Variants in LAD1 observed in about 807,000 individuals in gnomAD.
LAD1 encodes ladinin 1.
In LAD1, 53 loss-of-function variants were observed where a neutral mutation model predicts 54.2. The observed-to-expected ratio is 0.98, with a 90% CI of 0.78 to 1.23. LAD1 has a LOEUF of 1.23. LAD1 is among the 50% of genes most tolerant of loss of function. The probability of loss-of-function intolerance (pLI) is 0.00; values close to 1 mark genes in which losing one functional copy is unlikely to be tolerated. For synonymous variants in LAD1, 231 were observed against 257.7 expected (o/e 0.90, Z 0.99); for missense variants, 637 against 653.3 (o/e 0.98, Z 0.27).
intron 1 of LAD1, among the ~76,000 whole-genome samples, chr1:201,390,926 C>G (rs1005337360): frequency 3.9e-5 from 6 of 152,204 alleles, no homozygotes; most frequent in Non-Finnish European, 8.8e-5. Flanking sequence ...CTGAAGGAAA[C>G]AGATGAACTT....
intron 1 of LAD1, among the ~76,000 whole-genome samples, chr1:201,390,579 T>A (rs1415004939): frequency 6.6e-6 from 1 of 152,162 alleles, no homozygotes; most frequent in East Asian, 1.9e-4. Flanking sequence ...CATACGTCTA[T>A]CAAATTCCTA....
chr1:201,389,661 A>AC (rs1389660573), intron 1 of LAD1, among the ~76,000 whole-genome samples: 1 of 151,838 alleles, frequency 6.6e-6, no homozygotes, highest in Non-Finnish European at 1.5e-5. Flanking sequence ...AAATACAAAA[A>AC]AAAAAAAAAG....
intron 1 of LAD1, among the ~76,000 whole-genome samples, chr1:201,392,462 T>G (rs1662212220): frequency 6.6e-6 from 1 of 152,084 alleles, no homozygotes; most frequent in South Asian, 2.1e-4. Flanking sequence ...TGAGAGAAGG[T>G]GGCTGGGTGG....
At chr1:201,390,455 C>T (rs754519325) in intron 1 of LAD1, among the ~76,000 whole-genome samples, 7 of 151,762 alleles carry the variant, frequency 4.6e-5, no homozygotes, top group Admixed American at 4.6e-4. Context: ...GAGAATTGCT[C>T]GAACCTGGGA....
rs1342226762 is a variant in LAD1, at chr1:201,381,558, G to A, written c.*330C>T. The A allele has an allele frequency of 7.3e-6, 3 of 410,562 alleles. No homozygotes were observed. 25.4% of individuals were successfully genotyped at this position (410,562 alleles called of 1,614,324 possible). ...GGGGCGCCGTGCCCTGACTGTGGAT[G>A]TGAGCAGGAAGGAGCAGAGGTCTCT... On this transcript the variant is annotated 3_prime_UTR_variant, in exon 10 of 10. Coordinates refer to ENST00000391967, the MANE Select transcript of LAD1 (RefSeq NM_005558.4).
rs1293610707 is a variant in LAD1, at chr1:201,389,242, G to A, written c.100C>T (p.His34Tyr). The A allele has an allele frequency of 2.5e-6, 4 of 1,614,014 alleles. No homozygotes were observed. In the Admixed American group the frequency reaches 6.7e-5, roughly 27 times the overall value. Residue 34 changes from histidine to tyrosine, a missense_variant, in exon 2 of 10, where the codon CAC becomes TAC. His to Tyr is a moderately conservative substitution (Grantham distance 83). Transcript: ENST00000391967. ...TCCGTGGTGGAGCTCAGGTTGCGGT[G>A]CCGCCGCCTGCGCTCGCGCTCCTGT... ...EEQERERRRR[H>Y]RNLSSTTDDE...
chr1:201,388,561 T>C (rs1662138749), intron 2 of LAD1, among the ~76,000 whole-genome samples: 1 of 150,332 alleles, frequency 6.7e-6, no homozygotes, highest in African/African-American at 2.5e-5. Context: ...TGGGTGCCTG[T>C]AGTCCCAGCT....
intron 1 of LAD1, among the ~76,000 whole-genome samples, chr1:201,397,891 C>A (rs1350407771): frequency 6.6e-6 from 1 of 152,202 alleles, no homozygotes; most frequent in Non-Finnish European, 1.5e-5. Flanking sequence ...CCCACATCAA[C>A]CCCCAGGCAC....
Position 201,383,130 on chromosome 1 carries a change from G to A in LAD1, c.1330C>T (p.Leu444Phe), listed in dbSNP as rs764510630. 23 of 1,613,914 alleles carry A rather than the reference G, an allele frequency of 1.4e-5. No homozygotes were observed. Among genetic ancestry groups the A allele is most frequent in the Non-Finnish European group, 1.9e-5 (23 of 1,179,990 alleles). ...TGGCCCGCCAGTTCCTTCTCAAAGA[G>A]GTGGCGCTTGCTGGCTACACCCACA... The part of the protein sequence containing the change: ...APVGVASKRH[L>F]FEKELAGQSR... The change falls in exon 7 of 10, where the codon CTC becomes TTC. Residue 444 changes from leucine (L) to phenylalanine (F), a missense_variant. Transcript: ENST00000391967.
intron 2 of LAD1, 120 bp from the exon 3 acceptor site, chr1:201,387,298 G>A: frequency 3.6e-6 from 4 of 1,101,164 alleles, no homozygotes; most frequent in Middle Eastern, 3.1e-4. Context: ...TCAGGCCCTG[G>A]CCTCCCCGGC....
At chr1:201,395,851 G>A (rs1662278290) in intron 1 of LAD1, among the ~76,000 whole-genome samples, 1 of 152,186 alleles carries the variant, frequency 6.6e-6, no homozygotes, top group African/African-American at 2.4e-5. Flanking sequence ...TTTAAACCTA[G>A]GTCAGCCTCT....
At chr1:201,397,463 C>T (rs1571726605) in intron 1 of LAD1, 1 of 152,368 alleles carries the variant, frequency 6.6e-6, no homozygotes, top group East Asian at 1.9e-4. Flanking sequence ...GCTGTAGCCA[C>T]ATGAGTCCAT....
intron 1 of LAD1, 94 bp from the exon 2 acceptor site, chr1:201,389,397 C>G: frequency 1.4e-6 from 2 of 1,436,680 alleles, no homozygotes; most frequent in Admixed American, 4.2e-5. Flanking sequence ...GACCAAATGC[C>G]CTCTAGGCCT....
At chr1:201,395,636 TA>T (rs1363064799) in intron 1 of LAD1, among the ~76,000 whole-genome samples, 1 of 152,102 alleles carries the variant, frequency 6.6e-6, no homozygotes, top group Non-Finnish European at 1.5e-5. Context: ...CGGGCGCCTG[TA>T]ATCCCAGCTA....
intron 1 of LAD1, among the ~76,000 whole-genome samples, chr1:201,390,745 C>T (rs1285017291): frequency 6.6e-6 from 1 of 152,130 alleles, no homozygotes; most frequent in Non-Finnish European, 1.5e-5. Flanking sequence ...GTACATGCCC[C>T]AGATGGGACA....
rs961881251 is a variant in LAD1 at position 201,389,181 on chromosome 1, C to T, written c.161G>A (p.Arg54Gln). 7 of 1,614,162 alleles carry T rather than the reference C, an allele frequency of 4.3e-6. No homozygotes were observed. Among genetic ancestry groups the T allele is most frequent in the Admixed American group, 1.7e-5 (1 of 60,014 alleles). ...CTACCTCTCAGAAGCAGAGGCCTGC[C>T]GGTCTCCATTCTGGCTGAGCCTGGG... is the stretch of plus-strand genomic sequence containing the variant. Reference protein sequence around the residue: ...EAPRLSQNGDRQASASERLPS... With the variant: ...EAPRLSQNGDQQASASERLPS... Residue 54 changes from arginine (R) to glutamine (Q), a missense_variant, in exon 2 of 10, where the codon CGG becomes CAG. Physicochemically the swap from Arg to Gln is conservative, Grantham distance 43. Coordinates refer to ENST00000391967, the MANE Select transcript of LAD1 (RefSeq NM_005558.4).
chr1:201,383,117 T>G lies in LAD1; in HGVS notation c.1343A>C (p.Glu448Ala). ...VASKRHLFEKELAGQSRAEPA... is the reference protein window; with the variant it reads ...VASKRHLFEKALAGQSRAEPA... The stretch of plus-strand genomic sequence containing the variant: ...TTCTGCTCGGCTCTGGCCCGCCAGT[T>G]CCTTCTCAAAGAGGTGGCGCTTGCT... The change falls in exon 7 of 10, where the codon GAA becomes GCA. Residue 448 changes from glutamate to alanine, a missense_variant. Coordinates refer to ENST00000391967, the MANE Select transcript of LAD1 (RefSeq NM_005558.4). 1 of 1,614,002 alleles carries G rather than the reference T, an allele frequency of 6.2e-7. No individual in the cohort carries two copies. The highest frequency in any genetic ancestry group is 8.5e-7 in the Non-Finnish European group (1 of 1,179,966).
chr1:201,382,392 C>G (rs912847675), intron 8 of LAD1, 66 bp from the exon 9 acceptor site: 67 of 1,267,012 alleles, frequency 5.3e-5, no homozygotes, highest in Non-Finnish European at 7.7e-5. Context: ...CGGGATACCC[C>G]AGGCCCAGCT....
Position 201,386,840 on chromosome 1 carries a change from G to A in LAD1, c.521C>T (p.Pro174Leu). ...CTTCTCCAAGACTGGGGACTTTTCTGGAACCCCTTTCTTCCTCTCTTCTGG... is the reference window on the plus strand; with the variant it reads ...CTTCTCCAAGACTGGGGACTTTTCTAGAACCCCTTTCTTCCTCTCTTCTGG... The part of the protein sequence containing the change: ...REPEERKKGV[P>L]EKSPVLEKSS... Residue 174 changes from proline to leucine, a missense_variant, in exon 3 of 10, where the codon CCA becomes CTA. Transcript: ENST00000391967. The A allele has an allele frequency of 1.2e-6, 2 of 1,613,690 alleles. No individual in the cohort carries two copies. Among genetic ancestry groups the A allele is most frequent in the East Asian group, 2.2e-5 (1 of 44,870 alleles).
Sources: allele counts gnomAD v4.1 joint callset (sites outside exome capture counted in the v4.1 genomes callset), GRCh38; gene constraint gnomAD v4.1.1; transcripts MANE v1.5; gene names NCBI Gene and HGNC (gene_info 2026-07-23, HGNC 2026-07-21).